STX3: variants seen among roughly 807,000 people sequenced by gnomAD.
The protein encoded by STX3 is syntaxin-3.
STX3 carries 19 observed loss-of-function variants against 40.2 expected under a neutral mutation model. The ratio of observed to expected loss-of-function variants is 0.47; its 90% CI spans 0.33 to 0.69. The LOEUF (loss-of-function observed/expected upper bound fraction) is 0.69. Ranked by LOEUF, STX3 falls within the 30% of genes least tolerant of loss-of-function variation. The probability of loss-of-function intolerance (pLI) is 0.02; values close to 1 mark genes in which losing one functional copy is unlikely to be tolerated. For synonymous variants in STX3, 122 were observed against 132.2 expected, an observed-to-expected ratio of 0.92 and a Z score of 0.53; for missense variants, 364 against 366.7, an observed-to-expected ratio of 0.99 and a Z score of 0.06.
At chr11:59,766,922 C>A (rs1863310563) in intron 1 of STX3, among the ~76,000 whole-genome samples, 1 of 152,216 alleles carries the variant, frequency 6.6e-6, no homozygotes, top group Non-Finnish European at 1.5e-5. Context: ...CAGCTAGTGT[C>A]TTGTGGCCAC....
chr11:59,777,854 C>T lies in STX3; in HGVS notation c.114+4560C>T, dbSNP rs142438923. ...GAATTCAAACAGGGCAAAGTGGGTC[C>T]GGATTACTTCTGCTCTACAATTTCT... is the stretch of plus-strand genomic sequence containing the variant. On this transcript the variant is annotated intron_variant, in intron 2 of 10. Transcript: ENST00000337979. Among the ~76,000 whole-genome samples, 457 of 152,254 alleles carry T rather than the reference C, an allele frequency of 3.0e-3. 4 individuals carry two copies. Among genetic ancestry groups the T allele is most frequent in the Non-Finnish European group, 5.4e-3 (364 of 68,008 alleles).
chr11:59,793,105 A>G lies in STX3; in HGVS notation c.473A>G (p.Lys158Arg). The change falls in exon 7 of 11, where the codon AAA becomes AGA. Residue 158 changes from lysine (K) to arginine (R), a missense_variant. Physicochemically the swap from Lys to Arg is conservative, Grantham distance 26. Coordinates refer to ENST00000337979, the MANE Select transcript of STX3 (RefSeq NM_004177.5). Reference sequence around the variant, plus strand: ...TACTTCTTTTGTTACAAAGCTGGCAAAAAGACAACCGATGAGGAGCTGGAG... The same window carrying G: ...TACTTCTTTTGTTACAAAGCTGGCAGAAAGACAACCGATGAGGAGCTGGAG... ...RIQRQLEITG[K>R]KTTDEELEEM... 6.2e-7 allele frequency: 1 copy of G among 1,613,570 alleles called. No homozygotes were observed. Among genetic ancestry groups the G allele is most frequent in the African/African-American group, 1.3e-5 (1 of 75,048 alleles).
Position 59,763,076 on chromosome 11 carries a change from G to A in STX3, c.30+7441G>A, listed in dbSNP as rs74634837. On this transcript the variant is annotated intron_variant, in intron 1 of 10. Transcript: ENST00000337979. ...CTCACGTGTCATGTGGTATTGTATC[G>A]CATGGACTGTTGCTTGGCAGATGTT... Among the ~76,000 whole-genome samples the A allele has an allele frequency of 6.4e-3, 981 of 152,292 alleles. 14 individuals are homozygous for A. The highest frequency in any genetic ancestry group is 0.023 in the African/African-American group (945 of 41,556).
chr11:59,755,437 C>T lies in STX3; in HGVS notation c.-169C>T. 3.1e-6 allele frequency: 2 copies of T among 651,958 alleles called. No individual in the cohort carries two copies. The highest frequency in any genetic ancestry group is 4.6e-6 in the Non-Finnish European group (2 of 438,990). 40.4% of individuals were successfully genotyped at this position (651,958 alleles called of 1,614,324 possible). A position where few individuals can be genotyped will look rare whatever the true frequency, so the allele number is the denominator to read the frequency against. ...GGCTGCGCGGCGGAGGCTCCCGTGG[C>T]CTCGGACGCTCCTCCTAGCTAGCGG... On this transcript the variant is annotated 5_prime_UTR_variant, in exon 1 of 11. Transcript: ENST00000337979.
intron 2 of STX3, among the ~76,000 whole-genome samples, chr11:59,773,977 C>CA (rs5792160): frequency 0.032 from 2,539 of 79,244 alleles, no homozygotes; most frequent in East Asian, 0.071. Context: ...CTCACACACA[C>CA]AAAAAAAAAA....
chr11:59,792,264 G>A (rs1865228816), intron 6 of STX3, 49 bp downstream of exon 6: 2 of 1,541,338 alleles, frequency 1.3e-6, no homozygotes, highest in African/African-American at 2.7e-5. Context: ...CTGCCACCTG[G>A]TTGTCCATCC....
intron 2 of STX3, among the ~76,000 whole-genome samples, chr11:59,780,810 A>G (rs1012533232): frequency 6.6e-6 from 1 of 152,168 alleles, no homozygotes; most frequent in Non-Finnish European, 1.5e-5. Context: ...CCTTTATTAT[A>G]TTACTTTGAT....
chr11:59,797,145 A>G, intron 9 of STX3, 138 bp from the exon 10 acceptor site: 4 of 641,212 alleles, frequency 6.2e-6, no homozygotes, highest in South Asian at 1.9e-5. Flanking sequence ...GGATGTCTGT[A>G]TGTAGAGATG....
chr11:59,776,254 G>C (rs137941332), intron 2 of STX3, among the ~76,000 whole-genome samples: 1 of 152,108 alleles, frequency 6.6e-6, no homozygotes, highest in South Asian at 2.1e-4. Flanking sequence ...TTTTGGAAAA[G>C]TTAACTACTC....
intron 1 of STX3, among the ~76,000 whole-genome samples, chr11:59,760,419 TTTTTG>T (rs1426532340): frequency 6.6e-6 from 1 of 152,032 alleles, no homozygotes; most frequent in Non-Finnish European, 1.5e-5. Context: ...GGGTTTTTTT[TTTTTG>T]TTTGTTTGTT....
intron 1 of STX3, among the ~76,000 whole-genome samples, chr11:59,764,315 G>T (rs60104985): frequency 6.6e-6 from 1 of 152,276 alleles, no homozygotes; most frequent in African/African-American, 2.4e-5. Context: ...TTTAATATGT[G>T]CCTAGCATTG....
At chr11:59,766,369 T>C in intron 1 of STX3, among the ~76,000 whole-genome samples, 1 of 152,224 alleles carries the variant, frequency 6.6e-6, no homozygotes, top group African/African-American at 2.4e-5. Context: ...ATTTTCCAAC[T>C]TTTTTTCTTT....
chr11:59,800,982 C>A lies in STX3; in HGVS notation c.*158C>A. On this transcript the variant is annotated 3_prime_UTR_variant, in exon 11 of 11. Transcript: ENST00000337979. ...CTTGCAACCACCCTTGGACCTGACT[C>A]AGCTAACAATCTAGCCCTGGGGGAA... The A allele has an allele frequency of 6.5e-7, 1 of 1,533,210 alleles. No homozygotes were observed. Among genetic ancestry groups the A allele is most frequent in the South Asian group, 1.2e-5 (1 of 83,722 alleles). 95.0% of individuals were successfully genotyped at this position (1,533,210 alleles called of 1,614,324 possible).
chr11:59,774,152 G>T lies in STX3; in HGVS notation c.114+858G>T, dbSNP rs563346570. On this transcript the variant is annotated intron_variant, in intron 2 of 10. Coordinates refer to ENST00000337979, the MANE Select transcript of STX3 (RefSeq NM_004177.5). The stretch of plus-strand genomic sequence containing the variant: ...TCCTCAATGGGATGGTACTATGATA[G>T]GTAGGTGGTGGAGGAAAGCTTGTAG... Among the ~76,000 whole-genome samples, 4 of 152,264 alleles carry T rather than the reference G, an allele frequency of 2.6e-5. No individual in the cohort carries two copies. In the East Asian group the frequency reaches 7.7e-4, roughly 29 times the overall value.
chr11:59,789,439 A>G (rs1590812590), intron 4 of STX3, among the ~76,000 whole-genome samples: 1 of 144,728 alleles, frequency 6.9e-6, no homozygotes, highest in Non-Finnish European at 1.5e-5. Context: ...TGGCAACTAC[A>G]TACTTTTTTT....
Position 59,773,307 on chromosome 11 carries a change from C to T in STX3, c.114+13C>T. On this transcript the variant is annotated intron_variant, in intron 2 of 10. Coordinates refer to ENST00000337979, the MANE Select transcript of STX3 (RefSeq NM_004177.5). Reference sequence around the variant, plus strand: ...GTTCTTTTCTGAGGTAGGCAACCTTCCTGTATTTTTTTCTAAATGTACATA... The same window carrying T: ...GTTCTTTTCTGAGGTAGGCAACCTTTCTGTATTTTTTTCTAAATGTACATA... 1 of 1,613,384 alleles carries T rather than the reference C, an allele frequency of 6.2e-7. No homozygotes were observed. The highest frequency in any genetic ancestry group is 8.5e-7 in the Non-Finnish European group (1 of 1,179,504).
intron 2 of STX3, among the ~76,000 whole-genome samples, chr11:59,777,677 G>A (rs1159358472): frequency 6.6e-6 from 1 of 152,184 alleles, no homozygotes; most frequent in Non-Finnish European, 1.5e-5. Context: ...TGGGGTTCTA[G>A]GTCAGCATCA....
At chr11:59,777,715 G>C (rs574130446) in intron 2 of STX3, among the ~76,000 whole-genome samples, 9 of 152,092 alleles carry the variant, frequency 5.9e-5, no homozygotes, top group African/African-American at 2.2e-4. Context: ...TTTCTCTTAG[G>C]ATTGTGAGAG....
Position 59,802,690 on chromosome 11 carries a change from T to C in STX3, c.*1866T>C, listed in dbSNP as rs1865936220. 1.0e-6 allele frequency: 1 copy of C among 985,654 alleles called. No individual in the cohort carries two copies. The highest frequency in any genetic ancestry group is 4.7e-5 in the South Asian group (1 of 21,292). The allele number at this position is 985,654 out of a possible 1,614,324, so 61.1% of individuals were successfully genotyped here. On this transcript the variant is annotated 3_prime_UTR_variant, in exon 11 of 11. Transcript: ENST00000337979. Reference sequence around the variant, plus strand: ...TGCTAATTTAAAAATAAAAATGACTTTGTATTGATTGTGAAACGGTTCTGG... The same window carrying C: ...TGCTAATTTAAAAATAAAAATGACTCTGTATTGATTGTGAAACGGTTCTGG...
Sources: gnomAD v4.1 joint callset for allele counts (sites outside exome capture counted in the v4.1 genomes callset) on GRCh38, gnomAD v4.1.1 for gene constraint, MANE v1.5 for transcripts, NCBI Gene and HGNC (gene_info 2026-07-23, HGNC 2026-07-21) for gene names.